Variants in EDA observed in about 807,000 individuals in gnomAD.
EDA encodes the protein ectodysplasin-A.
A neutral mutation model predicts 23.6 loss-of-function variants in EDA; 2 were observed. That is an observed-to-expected ratio of 0.08 (90% CI 0.03 to 0.27). EDA has a LOEUF of 0.27. Among genes scored for constraint, EDA ranks in the 10% least tolerant of loss-of-function variants. EDA has a pLI of 1.00. For missense variants in EDA, 229 were observed against 324.2 expected, an observed-to-expected ratio of 0.71 and a Z score of 2.26; for synonymous variants, 131 against 132.0, an observed-to-expected ratio of 0.99 and a Z score of 0.05.
intron 1 of EDA, among the ~76,000 whole-genome samples, chrX:69,950,037 C>A (rs1306102305): frequency 2.3e-4 from 21 of 90,929 alleles, no homozygotes; most frequent in Admixed American, 2.2e-3. Context: ...TGGGCAAGGA[C>A]TTCATGTCTA....
chrX:70,011,949 T>C (rs910137341), intron 2 of EDA, among the ~76,000 whole-genome samples: 1 of 111,676 alleles, frequency 9.0e-6, no homozygotes, highest in Non-Finnish European at 1.9e-5. Context: ...CATTTTGTGG[T>C]TGAGTAAGCA....
At chrX:69,793,570 G>GTTTTTTTTTTTTTTTTT (rs67241807) in intron 1 of EDA, among the ~76,000 whole-genome samples, 35 of 58,756 alleles carry the variant, frequency 6.0e-4, no homozygotes, top group African/African-American at 7.3e-4. Context: ...GTTTGTTTTT[G>GTTTTTTTTTTTTTTTTT]TTTTTTTTTT....
intron 1 of EDA, among the ~76,000 whole-genome samples, chrX:69,649,506 G>A (rs1367387129): frequency 9.0e-6 from 1 of 110,813 alleles, no homozygotes; most frequent in African/African-American, 3.3e-5. Context: ...CTTCCCAGTA[G>A]AATAATATTA....
intron 1 of EDA, among the ~76,000 whole-genome samples, chrX:69,897,785 T>A (rs1277804321): frequency 8.9e-6 from 1 of 111,940 alleles, no homozygotes; most frequent in Non-Finnish European, 1.9e-5. Context: ...CATCCCATCC[T>A]GCCTCTAGTG....
intron 1 of EDA, among the ~76,000 whole-genome samples, chrX:69,898,095 C>A (rs1401144605): frequency 9.0e-6 from 1 of 111,399 alleles, no homozygotes; most frequent in Non-Finnish European, 1.9e-5. Flanking sequence ...ACAGTGATTT[C>A]TTTTTCAAAT....
intron 1 of EDA, among the ~76,000 whole-genome samples, chrX:69,676,633 G>A (rs891674921): frequency 3.6e-5 from 4 of 110,207 alleles, no homozygotes; most frequent in Admixed American, 1.9e-4. Flanking sequence ...CTTGATAAAT[G>A]TTCAGTGGTG....
intron 1 of EDA, among the ~76,000 whole-genome samples, chrX:69,847,686 T>A (rs1406589119): frequency 9.0e-6 from 1 of 111,399 alleles, no homozygotes; most frequent in Non-Finnish European, 1.9e-5. Context: ...TACCACAGGT[T>A]TTTTTTTAAT....
intron 1 of EDA, among the ~76,000 whole-genome samples, chrX:69,735,843 C>G (rs1428456739): frequency 9.0e-6 from 1 of 111,353 alleles, no homozygotes; most frequent in African/African-American, 3.3e-5. Flanking sequence ...AAACAGAAAA[C>G]AAGAACAAAA....
chrX:69,671,869 T>G (rs1933908269), intron 1 of EDA, among the ~76,000 whole-genome samples: 1 of 112,217 alleles, frequency 8.9e-6, no homozygotes, highest in South Asian at 3.7e-4. Flanking sequence ...CATTCTTTTT[T>G]TCCTCTCAAT....
At chrX:70,017,799 G>A (rs1032243783) in intron 2 of EDA, among the ~76,000 whole-genome samples, 1 of 111,620 alleles carries the variant, frequency 9.0e-6, no homozygotes, top group African/African-American at 3.3e-5. Context: ...ACAAGACAAG[G>A]ATGCCCTCTC....
chrX:69,670,320 C>A, intron 1 of EDA: 1 of 358,961 alleles, frequency 2.8e-6, no homozygotes, highest in Non-Finnish European at 4.8e-6. Context: ...TTTTCTCTTG[C>A]TGGTTTTAAA....
At chrX:69,859,336 A>G (rs1308499286) in intron 1 of EDA, among the ~76,000 whole-genome samples, 2 of 110,906 alleles carry the variant, frequency 1.8e-5, no homozygotes, top group Non-Finnish European at 3.8e-5. Context: ...TTAACTTGAG[A>G]TCTTTCTAAC....
chrX:69,851,667 C>T (rs2017137586), intron 1 of EDA, among the ~76,000 whole-genome samples: 1 of 112,161 alleles, frequency 8.9e-6, no homozygotes, highest in Non-Finnish European at 1.9e-5. Context: ...ATCTTTCCAC[C>T]TGTTTGGCTA....
intron 1 of EDA, among the ~76,000 whole-genome samples, chrX:69,774,727 G>C (rs1487963439): frequency 9.0e-6 from 1 of 111,293 alleles, no homozygotes. Context: ...ACTTGCACAG[G>C]CTTAAATTCT....
At position 70,027,709 on chromosome X, in the gene EDA, G is replaced by T. The variant is rs3764745; in HGVS notation, c.527-148G>T. On this transcript the variant is annotated intron_variant, in intron 3 of 7. Transcript: ENST00000374552. ...GCGGTGGCACGCGCCTGTAATCCCA[G>T]TTACTCCAGAGGCTGAGGCAGGAGA... The T allele has an allele frequency of 5.5e-4, 238 of 436,678 alleles. 1 individual carries two copies. The East Asian group carries it at 9.2e-3, about 17-fold the overall frequency. 36.0% of individuals were successfully genotyped at this position (436,678 alleles called of 1,213,427 possible). A position where few individuals can be genotyped will look rare whatever the true frequency, so the allele number is the denominator to read the frequency against.
At chrX:69,834,037 G>A (rs1303731205) in intron 1 of EDA, among the ~76,000 whole-genome samples, 1 of 103,373 alleles carries the variant, frequency 9.7e-6, no homozygotes, top group Admixed American at 1.1e-4. Flanking sequence ...CCACCTATGA[G>A]TGAGAACATA....
intron 1 of EDA, among the ~76,000 whole-genome samples, chrX:69,831,602 T>C (rs1237821997): frequency 8.9e-6 from 1 of 112,455 alleles, no homozygotes; most frequent in Non-Finnish European, 1.9e-5. Context: ...CAAATGGTAA[T>C]TCTAGTTCTA....
At chrX:69,882,142 A>G (rs2017757284) in intron 1 of EDA, among the ~76,000 whole-genome samples, 2 of 110,294 alleles carry the variant, frequency 1.8e-5, no homozygotes, top group Non-Finnish European at 3.8e-5. Context: ...CTGTTTATTG[A>G]AAAAAAAACT....
chrX:69,946,920 T>A (rs974702150), intron 1 of EDA, among the ~76,000 whole-genome samples: 1 of 112,461 alleles, frequency 8.9e-6, no homozygotes, highest in African/African-American at 3.2e-5. Flanking sequence ...TAATCCAGCT[T>A]CATAAAGGTA....
Sources: allele counts gnomAD v4.1 joint callset (sites outside exome capture counted in the v4.1 genomes callset), GRCh38; gene constraint gnomAD v4.1.1; transcripts MANE v1.5; gene names NCBI Gene and HGNC (gene_info 2026-07-23, HGNC 2026-07-21).